Variants in CELF4 observed in about 807,000 individuals in gnomAD.
The protein encoded by CELF4 is CUG-BP- and ETR-3-like factor 4.
CELF4 carries 18 observed loss-of-function variants against 59.9 expected under a neutral mutation model. The ratio of observed to expected loss-of-function variants is 0.30; its 90% confidence interval spans 0.21 to 0.45. The LOEUF (loss-of-function observed/expected upper bound fraction) is 0.45. Ranked by LOEUF, CELF4 falls within the 20% of genes least tolerant of loss-of-function variation. The pLI, the probability that CELF4 is intolerant of heterozygous loss-of-function variation, is 1.00. For missense variants in CELF4, 456 were observed against 689.0 expected, an observed-to-expected ratio of 0.66 and a Z score of 3.79; for synonymous variants, 261 against 267.1, an observed-to-expected ratio of 0.98 and a Z score of 0.22.
At chr18:37,552,437 C>T (rs1052730460) in intron 1 of CELF4, among the ~76,000 whole-genome samples, 3 of 152,172 alleles carry the variant, frequency 2.0e-5, no homozygotes, top group African/African-American at 4.8e-5. Flanking sequence ...GGGTGAGTGT[C>T]GAGAGGGGTG....
chr18:37,269,595 C>T (rs1211376529), intron 8 of CELF4, among the ~76,000 whole-genome samples: 1 of 152,200 alleles, frequency 6.6e-6, no homozygotes, highest in African/African-American at 2.4e-5. Flanking sequence ...TCCTTACCAC[C>T]TCCACTCTTG....
At chr18:37,544,188 A>C in intron 1 of CELF4, among the ~76,000 whole-genome samples, 1 of 146,946 alleles carries the variant, frequency 6.8e-6, no homozygotes, top group African/African-American at 2.5e-5. Context: ...CAACAGCTAC[A>C]ATTATCTCAG....
At chr18:37,434,963 C>A (rs998384943) in intron 2 of CELF4, among the ~76,000 whole-genome samples, 5 of 152,120 alleles carry the variant, frequency 3.3e-5, no homozygotes, top group Non-Finnish European at 5.9e-5. Context: ...TTTTGACTAC[C>A]CCCTCCAAAA....
Position 37,549,435 on chromosome 18 carries a change from A to G in CELF4, c.286+15921T>C, listed in dbSNP as rs185428700. ...TTGGCCAGGGGCTGCCCCGCAGGCC[A>G]GGCCTTACGAATCTGCCTGCCTGGT... On this transcript the variant is annotated intron_variant, in intron 1 of 12. Coordinates refer to ENST00000420428, the MANE Select transcript of CELF4 (RefSeq NM_020180.4). Among the ~76,000 whole-genome samples the G allele has an allele frequency of 4.9e-3, 748 of 152,292 alleles. 8 individuals are homozygous for G. The highest frequency in any genetic ancestry group is 0.017 in the African/African-American group (720 of 41,560).
At chr18:37,382,187 C>T (rs2099047983) in intron 2 of CELF4, among the ~76,000 whole-genome samples, 1 of 152,208 alleles carries the variant, frequency 6.6e-6, no homozygotes, top group African/African-American at 2.4e-5. Flanking sequence ...CACTATGAGG[C>T]AGGGAATGTT....
rs150130754 is a variant in CELF4 at position 37,336,505 on chromosome 18, G to A, written c.370-14624C>T. Among the ~76,000 whole-genome samples the A allele has an allele frequency of 1.5e-3, 231 of 152,226 alleles. 1 individual carries two copies. The highest frequency in any genetic ancestry group is 5.3e-3 in the African/African-American group (221 of 41,536). Reference sequence around the variant, plus strand: ...CCTATCCTGTGTAGTTCTTAGCATGGCCTCCCCTCCACAAGCCCAGGCCCC... The same window carrying A: ...CCTATCCTGTGTAGTTCTTAGCATGACCTCCCCTCCACAAGCCCAGGCCCC... On this transcript the variant is annotated intron_variant, in intron 2 of 12. Coordinates refer to ENST00000420428, the MANE Select transcript of CELF4 (RefSeq NM_020180.4).
chr18:37,457,082 A>C (rs1410411958), intron 2 of CELF4, among the ~76,000 whole-genome samples: 1 of 152,172 alleles, frequency 6.6e-6, no homozygotes, highest in Non-Finnish European at 1.5e-5. Flanking sequence ...CAGTGGAAGT[A>C]GGAGGTGGCT....
At chr18:37,356,662 G>T (rs1381041844) in intron 2 of CELF4, among the ~76,000 whole-genome samples, 1 of 152,236 alleles carries the variant, frequency 6.6e-6, no homozygotes, top group African/African-American at 2.4e-5. Flanking sequence ...TCCTGGGCTG[G>T]CAGTGGCTAT....
At chr18:37,309,706 C>T (rs766116006) in intron 3 of CELF4, among the ~76,000 whole-genome samples, 1 of 151,980 alleles carries the variant, frequency 6.6e-6, no homozygotes, top group Non-Finnish European at 1.5e-5. Flanking sequence ...GAGGTATGCG[C>T]GCCCTGGGAT....
chr18:37,535,282 TA>T (rs1434202471), intron 1 of CELF4, among the ~76,000 whole-genome samples: 1 of 152,258 alleles, frequency 6.6e-6, no homozygotes, highest in Non-Finnish European at 1.5e-5. Flanking sequence ...TGACAGTACA[TA>T]CCTTATTGGC....
chr18:37,348,637 A>C (rs1275152805), intron 2 of CELF4, among the ~76,000 whole-genome samples: 1 of 151,786 alleles, frequency 6.6e-6, no homozygotes, highest in East Asian at 1.9e-4. Context: ...ATGGGAGCAA[A>C]ATTCCCTCCT....
intron 10 of CELF4, among the ~76,000 whole-genome samples, chr18:37,260,352 G>A (rs917064198): frequency 2.0e-5 from 3 of 152,156 alleles, no homozygotes; most frequent in African/African-American, 2.4e-5. Flanking sequence ...AATGGAAATC[G>A]TTCCAAGATG....
intron 2 of CELF4, among the ~76,000 whole-genome samples, chr18:37,355,631 C>T (rs766514245): frequency 2.0e-5 from 3 of 151,860 alleles, no homozygotes; most frequent in Non-Finnish European, 2.9e-5. Flanking sequence ...CGAGATCACA[C>T]CACTGTACTC....
intron 5 of CELF4, 88 bp from the exon 6 acceptor site, chr18:37,274,542 G>A (rs1441126318): frequency 1.3e-6 from 2 of 1,596,388 alleles, no homozygotes; most frequent in Admixed American, 1.7e-5. Flanking sequence ...CACCCCGCCC[G>A]CTCCTCGGGG....
chr18:37,348,175 T>C (rs2098333553), intron 2 of CELF4, among the ~76,000 whole-genome samples: 1 of 152,264 alleles, frequency 6.6e-6, no homozygotes, highest in East Asian at 1.9e-4. Flanking sequence ...AACAGCCTTT[T>C]GGAAAGAGCA....
intron 1 of CELF4, among the ~76,000 whole-genome samples, chr18:37,547,775 G>A (rs747155323): frequency 6.6e-6 from 1 of 152,114 alleles, no homozygotes; most frequent in Admixed American, 6.5e-5. Context: ...AAAAAGTTAG[G>A]TGGATAAATT....
chr18:37,487,722 CA>C (rs2099884281), intron 1 of CELF4, among the ~76,000 whole-genome samples: 1 of 152,028 alleles, frequency 6.6e-6, no homozygotes, highest in African/African-American at 2.4e-5. Flanking sequence ...GGGACAAGGT[CA>C]GGGGCAGGTT....
At chr18:37,280,179 G>A (rs1269929141) in intron 3 of CELF4, among the ~76,000 whole-genome samples, 1 of 152,192 alleles carries the variant, frequency 6.6e-6, no homozygotes, top group Non-Finnish European at 1.5e-5. Context: ...CTGGGGCTGG[G>A]GGAAGATGAT....
chr18:37,398,786 G>A (rs1472378889), intron 2 of CELF4, among the ~76,000 whole-genome samples: 3 of 152,130 alleles, frequency 2.0e-5, no homozygotes, highest in Non-Finnish European at 2.9e-5. Context: ...ACTCGAGATC[G>A]CACCATGGAC....
Sources: allele counts gnomAD v4.1 joint callset (sites outside exome capture counted in the v4.1 genomes callset), GRCh38; gene constraint gnomAD v4.1.1; transcripts MANE v1.5; gene names NCBI Gene and HGNC (gene_info 2026-07-23, HGNC 2026-07-21).